Variants in CDK5RAP3 observed in about 807,000 individuals in gnomAD.
CDK5RAP3 encodes the protein CDK5 regulatory subunit associated protein 3.
A neutral mutation model predicts 73.3 loss-of-function variants in CDK5RAP3; 58 were observed. That is an observed-to-expected ratio of 0.79 (90% confidence interval 0.64 to 0.98). The LOEUF is 0.98. Among genes scored for constraint, CDK5RAP3 ranks in the 50% least tolerant of loss-of-function variants. CDK5RAP3 has a pLI of 0.00. For synonymous variants in CDK5RAP3, 224 were observed against 247.5 expected, an observed-to-expected ratio of 0.91 and a Z score of 0.89; for missense variants, 525 against 615.8, an observed-to-expected ratio of 0.85 and a Z score of 1.56.
Position 47,975,517 on chromosome 17 carries a change from G to A in CDK5RAP3, c.517G>A (p.Glu173Lys), listed in dbSNP as rs61741125. 0.036 allele frequency: 57,910 copies of A among 1,610,800 alleles called. 1,265 individuals are homozygous for A. Among genetic ancestry groups the A allele is most frequent in the Middle Eastern group, 0.11 (657 of 6,058 alleles). ...CCACCTCTTCTCCCCTCTCTAGGGC[G>A]AAAATGTCCGAGGAGAACTGCTGGC... ...HSCKQYGITG[E>K]NVRGELLALV... The change falls in exon 7 of 14, where the codon GAA (glutamate) becomes AAA (lysine). Residue 173 changes from glutamate (E) to lysine (K), a missense_variant. This residue lies in a region of CDK5RAP3 where 409 missense variants were observed against 429.8 expected (regional missense o/e 0.95). Transcript: ENST00000338399.
At chr17:47,974,870 T>C in intron 5 of CDK5RAP3, 3 of 1,313,216 alleles carry the variant, frequency 2.3e-6, no homozygotes, top group Non-Finnish European at 2.9e-6. Flanking sequence ...GTATAAATAA[T>C]AATAATGGCT....
intron 5 of CDK5RAP3, 196 bp from the exon 6 acceptor site, chr17:47,974,963 G>T: frequency 1.4e-6 from 2 of 1,449,428 alleles, no homozygotes; most frequent in Non-Finnish European, 9.1e-7. Context: ...CATGATAAAT[G>T]TTATTGTCGC....
rs970996439 is a variant in CDK5RAP3 at position 47,975,346 on chromosome 17, C to T, written c.513+9C>T. 4.3e-6 allele frequency: 7 copies of T among 1,612,550 alleles called. No homozygotes were observed. Among genetic ancestry groups the T allele is most frequent in the Non-Finnish European group, 5.1e-6 (6 of 1,178,894 alleles). On this transcript the variant is annotated intron_variant, in intron 6 of 13. Coordinates refer to ENST00000338399, the MANE Select transcript of CDK5RAP3 (RefSeq NM_176096.3). ...AGCAGTATGGCATCACGGTGAGCGG[C>T]GGCAGCCTCTTCGCAGCCAGAGGAC...
Position 47,975,620 on chromosome 17 carries a change from T to C in CDK5RAP3, c.620T>C (p.Val207Ala). The C allele has an allele frequency of 6.2e-7, 1 of 1,606,148 alleles. No individual in the cohort carries two copies. Among genetic ancestry groups the C allele is most frequent in the Non-Finnish European group, 8.5e-7 (1 of 1,179,690 alleles). Residue 207 changes from valine to alanine, a missense_variant, in exon 7 of 14, where the codon GTG (valine) becomes GCG (alanine). Coordinates refer to ENST00000338399, the MANE Select transcript of CDK5RAP3 (RefSeq NM_176096.3). ...AQQSLGEAIDVYQASVGFVCE... is the reference protein window; with the variant it reads ...AQQSLGEAIDAYQASVGFVCE... ...CAGTCCCTGGGGGAAGCCATTGACG[T>C]GTACCAGGCGTCTGTGGGGTTTGTG...
chr17:47,975,744 A>G, intron 7 of CDK5RAP3, 91 bp downstream of exon 7: 1 of 1,571,364 alleles, frequency 6.4e-7, no homozygotes. Flanking sequence ...CCCATATAAC[A>G]TTTGAACTCT....
chr17:47,969,120 G>A (rs1023131216), upstream of CDK5RAP3, among the ~76,000 whole-genome samples: 2 of 152,180 alleles, frequency 1.3e-5, no homozygotes, highest in Non-Finnish European at 2.9e-5. Context: ...TATCAGATAG[G>A]TTATAGAAAT....
At chr17:47,977,693 G>T (rs71377332) in intron 9 of CDK5RAP3, 139 bp from the exon 10 acceptor site, 9 of 668,414 alleles carry the variant, frequency 1.3e-5, no homozygotes, top group Non-Finnish European at 2.1e-5. Context: ...GCCATTTTTG[G>T]CACCTAAGTC....
intron 6 of CDK5RAP3, 38 bp downstream of exon 6, chr17:47,975,375 T>C: frequency 6.2e-7 from 1 of 1,607,704 alleles, no homozygotes; most frequent in East Asian, 2.2e-5. Flanking sequence ...AGAGGACACC[T>C]GGGCCCCTGC....
chr17:47,980,289 T>A (rs560752249), intron 11 of CDK5RAP3: 61 of 286,174 alleles, frequency 2.1e-4, no homozygotes, highest in African/African-American at 4.4e-4. Context: ...CCTTTTTTTT[T>A]AAAAAGAGTT....
upstream of CDK5RAP3, chr17:47,970,740 C>A (rs775146437): frequency 7.2e-6 from 11 of 1,533,234 alleles, no homozygotes; most frequent in Non-Finnish European, 8.7e-6. Context: ...GCAACGGCCT[C>A]CCAGATCGGC....
At chr17:47,980,454 A>C in intron 11 of CDK5RAP3, 139 bp from the exon 12 acceptor site, 1 of 742,232 alleles carries the variant, frequency 1.3e-6, no homozygotes. Flanking sequence ...ATTTCTGTAG[A>C]GACAGGGTCT....
chr17:47,971,758 TCA>T (rs2036274884), intron 2 of CDK5RAP3, among the ~76,000 whole-genome samples: 6 of 151,718 alleles, frequency 4.0e-5, no homozygotes, highest in Admixed American at 2.6e-4. Flanking sequence ...TCACCTGAGG[TCA>T]GGAGTTCGAG....
At chr17:47,973,341 C>G (rs1265063846) in intron 2 of CDK5RAP3, among the ~76,000 whole-genome samples, 178 bp from the exon 3 acceptor site, 1 of 152,150 alleles carries the variant, frequency 6.6e-6, no homozygotes, top group Admixed American at 6.5e-5. Flanking sequence ...TTGTCAGAGC[C>G]TGGTTTAGCC....
intron 9 of CDK5RAP3, among the ~76,000 whole-genome samples, chr17:47,977,584 G>A (rs1276138658): frequency 6.6e-6 from 1 of 152,170 alleles, no homozygotes; most frequent in Non-Finnish European, 1.5e-5. Context: ...CAGCCCATGT[G>A]AGAGTTAAAT....
At chr17:47,979,031 G>A (rs2036492162) in intron 11 of CDK5RAP3, 114 bp downstream of exon 11, 2 of 772,282 alleles carry the variant, frequency 2.6e-6, no homozygotes, top group Admixed American at 1.9e-5. Flanking sequence ...AGTGCTATTT[G>A]TGTCCTACAG....
chr17:47,973,946 A>T lies in CDK5RAP3; in HGVS notation c.200A>T (p.His67Leu). 1.2e-6 allele frequency: 2 copies of T among 1,613,604 alleles called. No individual in the cohort carries two copies. The highest frequency in any genetic ancestry group is 1.7e-6 in the Non-Finnish European group (2 of 1,179,520). ...LLSGSYIHYFHCLRILDLLKG... is the reference protein window; with the variant it reads ...LLSGSYIHYFLCLRILDLLKG... ...TGCTTTCTAGACATTCACTACTTTCACTGCCTAAGAATCCTGGACCTTCTC... is the reference window on the plus strand; with the variant it reads ...TGCTTTCTAGACATTCACTACTTTCTCTGCCTAAGAATCCTGGACCTTCTC... The change falls in exon 4 of 14, where the codon CAC becomes CTC. Residue 67 changes from histidine (H) to leucine (L), a missense_variant. This residue lies in a region of CDK5RAP3 where 409 missense variants were observed against 429.8 expected (regional missense o/e 0.95). Coordinates refer to ENST00000338399, the MANE Select transcript of CDK5RAP3 (RefSeq NM_176096.3).
intron 2 of CDK5RAP3, 150 bp from the exon 3 acceptor site, chr17:47,973,369 C>T (rs981218813): frequency 9.8e-6 from 8 of 820,160 alleles, no homozygotes; most frequent in East Asian, 8.7e-5. Context: ...TCTCTTTGGG[C>T]TTGTCTTTAT....
intron 4 of CDK5RAP3, 109 bp from the exon 5 acceptor site, chr17:47,974,290 TG>T: frequency 2.1e-6 from 2 of 970,914 alleles, no homozygotes; most frequent in Middle Eastern, 2.1e-4. Flanking sequence ...AAGGAGTTTG[TG>T]TTTGATGTGA....
Position 47,975,660 on chromosome 17 carries a change from A to C in CDK5RAP3, c.653+7A>C, listed in dbSNP as rs187828907. 5.7e-5 allele frequency: 91 copies of C among 1,590,302 alleles called. 1 individual carries two copies. In the African/African-American group the frequency reaches 8.0e-4, roughly 14 times the overall value. On this transcript the variant is annotated splice_region_variant and intron_variant, in intron 7 of 13. Transcript: ENST00000338399. ...TGGGGTTTGTGTGTGAGAGGTAGAG[A>C]GGCCTCAGCTTCTCCTGGTGGGGGT... is the stretch of plus-strand genomic sequence containing the variant.
Sources: gnomAD v4.1 joint callset for allele counts (sites outside exome capture counted in the v4.1 genomes callset) on GRCh38, gnomAD v4.1.1 for gene constraint, gnomAD v4.1.1 regional missense constraint, MANE v1.5 for transcripts, NCBI Gene and HGNC (gene_info 2026-07-23, HGNC 2026-07-21) for gene names.